UGT1A7: variants seen among roughly 807,000 people sequenced by gnomAD.
UGT1A7 encodes UDP-glucuronosyltransferase 1A7.
In UGT1A7, 33 loss-of-function variants were observed where a neutral mutation model predicts 45.6. That is an observed-to-expected ratio of 0.72 (90% CI 0.55 to 0.97). The LOEUF (loss-of-function observed/expected upper bound fraction) is 0.97. UGT1A7 is among the 50% of genes least tolerant of loss of function. UGT1A7 has a pLI of 0.00. For missense variants in UGT1A7, 684 were observed against 666.2 expected, an observed-to-expected ratio of 1.03 and a Z score of -0.29; for synonymous variants, 274 against 250.6, an observed-to-expected ratio of 1.09 and a Z score of -0.88.
chr2:233,700,505 G>C (rs2075568834), intron 1 of UGT1A7, among the ~76,000 whole-genome samples: 1 of 152,100 alleles, frequency 6.6e-6, no homozygotes, highest in Non-Finnish European at 1.5e-5. Flanking sequence ...CTAGAAACTT[G>C]ACTGTCTAGT....
chr2:233,755,086 G>A (rs1190713460), intron 1 of UGT1A7: 3 of 1,335,468 alleles, frequency 2.2e-6, no homozygotes, highest in Non-Finnish European at 3.0e-6. Flanking sequence ...TAGATATCGC[G>A]TTTCTACGCG....
intron 1 of UGT1A7, among the ~76,000 whole-genome samples, chr2:233,744,866 G>A (rs1299036461): frequency 1.3e-4 from 20 of 151,914 alleles, no homozygotes; most frequent in Non-Finnish European, 1.5e-4. Context: ...TATTCTGAAG[G>A]GATTAGTTTA....
chr2:233,744,318 TG>T (rs1692773667), intron 1 of UGT1A7, among the ~76,000 whole-genome samples: 2 of 151,754 alleles, frequency 1.3e-5, no homozygotes, highest in Admixed American at 1.3e-4. Flanking sequence ...AAGAGGGTGG[TG>T]GGAGTGAGTT....
chr2:233,733,760 A>C (rs2078435116), intron 1 of UGT1A7, among the ~76,000 whole-genome samples: 1 of 152,132 alleles, frequency 6.6e-6, no homozygotes, highest in Non-Finnish European at 1.5e-5. Flanking sequence ...ATTTGTCTAA[A>C]ATTTTCTTTT....
intron 1 of UGT1A7, chr2:233,756,417 G>T (rs1392251682): frequency 6.6e-6 from 1 of 151,810 alleles, no homozygotes; most frequent in Non-Finnish European, 1.5e-5. Context: ...TGTATTATTT[G>T]TACTGTTTTT....
chr2:233,743,240 T>G (rs1692244875), intron 1 of UGT1A7: 1 of 425,178 alleles, frequency 2.4e-6, no homozygotes, highest in South Asian at 1.7e-5. Context: ...TATGAAGGAC[T>G]TTAACTCAAC....
chr2:233,700,650 A>G (rs1190842216), intron 1 of UGT1A7, among the ~76,000 whole-genome samples: 1 of 152,150 alleles, frequency 6.6e-6, no homozygotes, highest in Non-Finnish European at 1.5e-5. Flanking sequence ...AAGTGTTTAC[A>G]TATTTCTACT....
Position 233,682,180 on chromosome 2 carries a change from C to A in UGT1A7, c.243C>A (p.Tyr81Ter), listed in dbSNP as rs149618508. 2.2e-4 allele frequency: 351 copies of A among 1,614,216 alleles called. No individual in the cohort carries two copies. In the African/African-American group the frequency reaches 4.2e-3, roughly 19 times the overall value. ...CAGTGAAGACTTACTCAACCTCATACACTCTGGAGGATCAGGACCGGGAGT... is the reference window on the plus strand; with the variant it reads ...CAGTGAAGACTTACTCAACCTCATAAACTCTGGAGGATCAGGACCGGGAGT... ...NCTVKTYSTS[Y>*]TLEDQDREFM... The change falls in exon 1 of 5, where the codon TAC becomes TAA. Residue 81 changes from tyrosine to a stop codon, truncating the protein, a stop_gained. Transcript: ENST00000373426. LOFTEE classifies it high-confidence loss of function.
At position 233,682,739 on chromosome 2, in the gene UGT1A7, A is replaced by C. The variant is rs762762821; in HGVS notation, c.802A>C (p.Asn268His). Residue 268 changes from asparagine to histidine, a missense_variant, in exon 1 of 5, where the codon AAT (asparagine) becomes CAT (histidine). Coordinates refer to ENST00000373426, the MANE Select transcript of UGT1A7 (RefSeq NM_019077.3). ...GGAGTATCCCAAACCCGTGATGCCCAATATGATCTTCATTGGTGGTATCAA... is the reference window on the plus strand; with the variant it reads ...GGAGTATCCCAAACCCGTGATGCCCCATATGATCTTCATTGGTGGTATCAA... ...VLEYPKPVMP[N>H]MIFIGGINCH... 65 of 1,613,808 alleles carry C rather than the reference A, an allele frequency of 4.0e-5. No individual in the cohort carries two copies. The highest frequency in any genetic ancestry group is 5.3e-5 in the Non-Finnish European group (63 of 1,179,824).
Position 233,704,355 on chromosome 2 carries a change from G to A in UGT1A7, c.855+21563G>A, listed in dbSNP as rs188640980. Reference sequence around the variant, plus strand: ...CTATTTAAAAAGTTGTGTTCTGAGCGGTTGTTCTAGGGCTTAGCACATCGA... The same window carrying A: ...CTATTTAAAAAGTTGTGTTCTGAGCAGTTGTTCTAGGGCTTAGCACATCGA... On this transcript the variant is annotated intron_variant, in intron 1 of 4. Coordinates refer to ENST00000373426, the MANE Select transcript of UGT1A7 (RefSeq NM_019077.3). Among the ~76,000 whole-genome samples, 17 of 150,272 alleles carry A rather than the reference G, an allele frequency of 1.1e-4. 1 individual carries two copies. Among genetic ancestry groups the A allele is most frequent in the Admixed American group, 4.6e-4 (7 of 15,102 alleles).
intron 1 of UGT1A7, among the ~76,000 whole-genome samples, chr2:233,689,453 A>C (rs1166849064): frequency 6.6e-6 from 1 of 152,232 alleles, no homozygotes; most frequent in Non-Finnish European, 1.5e-5. Context: ...GCAAGGATAC[A>C]TTTTAGGAAA....
intron 1 of UGT1A7, among the ~76,000 whole-genome samples, chr2:233,710,213 G>A (rs1438466149): frequency 6.6e-6 from 1 of 152,160 alleles, no homozygotes; most frequent in Non-Finnish European, 1.5e-5. Flanking sequence ...TGGCTATTAT[G>A]AATAAAGCTG....
chr2:233,693,020 C>A lies in UGT1A7; in HGVS notation c.855+10228C>A, dbSNP rs546429827. ...TCTTTCCAGGATGGCCTGCCTCCTT[C>A]GCTCATTTCAGAGAATTTCTGCAGG... On this transcript the variant is annotated intron_variant, in intron 1 of 4. Transcript: ENST00000373426. 8 of 1,614,146 alleles carry A rather than the reference C, an allele frequency of 5.0e-6. No individual in the cohort carries two copies. The South Asian group carries it at 7.7e-5, about 16-fold the overall frequency.
intron 1 of UGT1A7, among the ~76,000 whole-genome samples, chr2:233,758,958 A>G (rs936812045): frequency 2.0e-5 from 3 of 152,152 alleles, no homozygotes; most frequent in Non-Finnish European, 4.4e-5. Flanking sequence ...AATTTCCCCA[A>G]ATGCCTTTCC....
chr2:233,747,877 A>G, intron 1 of UGT1A7: 2 of 1,613,450 alleles, frequency 1.2e-6, no homozygotes, highest in Non-Finnish European at 1.7e-6. Context: ...GCCCTGTCCT[A>G]CCTTTGCCAT....
In UGT1A7 at chr2:233,768,366, G is replaced by A. The variant is rs36076514; in HGVS notation, c.1222G>A (p.Val408Met). Residue 408 changes from valine (V) to methionine (M), a missense_variant, in exon 4 of 5, where the codon GTG (valine) becomes ATG (methionine). Transcript: ENST00000373426. ...AKRMETKGAG[V>M]TLNVLEMTSE... ...GCGCATGGAGACTAAGGGAGCTGGA[G>A]TGACCCTGAATGTTCTGGAAATGAC... 1 of 1,614,180 alleles carries A rather than the reference G, an allele frequency of 6.2e-7. No individual in the cohort carries two copies. Among genetic ancestry groups the A allele is most frequent in the African/African-American group, 1.3e-5 (1 of 75,048 alleles).
At chr2:233,761,119 A>T in intron 1 of UGT1A7, 1 of 1,614,188 alleles carries the variant, frequency 6.2e-7, no homozygotes, top group African/African-American at 1.3e-5. Context: ...TGTTGGTGGA[A>T]TCAACTGCCT....
intron 1 of UGT1A7, among the ~76,000 whole-genome samples, chr2:233,710,136 G>C (rs2076112958): frequency 6.6e-6 from 1 of 152,178 alleles, no homozygotes; most frequent in African/African-American, 2.4e-5. Context: ...GCATTTCATT[G>C]TATAGATATA....
At chr2:233,717,723 G>T in intron 1 of UGT1A7, 1 of 455,670 alleles carries the variant, frequency 2.2e-6, no homozygotes. Context: ...ATGGGCATGA[G>T]ACCATTGTGA....
Sources: allele counts gnomAD v4.1 joint callset (sites outside exome capture counted in the v4.1 genomes callset), GRCh38; gene constraint gnomAD v4.1.1; transcripts MANE v1.5; gene names NCBI Gene and HGNC (gene_info 2026-07-23, HGNC 2026-07-21).